The following B3GALT1 variants were observed in gnomAD, a reference collection of about 807,000 sequenced individuals.
B3GALT1 encodes the protein beta-1,3-galactosyltransferase 1, also known as UDP-Gal:betaGlcNAc beta 1,3-galactosyltransferase, polypeptide 1.
Under a neutral mutation model 23.2 loss-of-function variants are expected in B3GALT1, and 10 were observed. The ratio of observed to expected loss-of-function variants is 0.43; its 90% CI spans 0.27 to 0.73. B3GALT1 has a LOEUF of 0.73. Ranked by LOEUF, B3GALT1 falls within the 30% of genes least tolerant of loss-of-function variation. B3GALT1 has a pLI of 0.21. For missense variants in B3GALT1, 299 were observed against 405.4 expected, an observed-to-expected ratio of 0.74 and a Z score of 2.25; for synonymous variants, 156 against 141.5, an observed-to-expected ratio of 1.10 and a Z score of -0.73.
At chr2:167,507,839 C>G (rs1311696169) in intron 2 of B3GALT1, among the ~76,000 whole-genome samples, 4 of 152,180 alleles carry the variant, frequency 2.6e-5, no homozygotes, top group African/African-American at 7.2e-5. Flanking sequence ...ATGACAAAAC[C>G]TTGTACTTAG....
chr2:167,608,356 T>A (rs1002035968), intron 2 of B3GALT1, among the ~76,000 whole-genome samples: 1 of 152,184 alleles, frequency 6.6e-6, no homozygotes, highest in Non-Finnish European at 1.5e-5. Context: ...GTATTTGGCG[T>A]ATAGCATAAC....
intron 1 of B3GALT1, among the ~76,000 whole-genome samples, chr2:167,480,138 A>C (rs1472020287): frequency 6.6e-6 from 1 of 152,192 alleles, no homozygotes; most frequent in African/African-American, 2.4e-5. Flanking sequence ...ACCCCTGGCT[A>C]CATGACTCTT....
intron 3 of B3GALT1, among the ~76,000 whole-genome samples, chr2:167,650,145 A>T (rs1189993324): frequency 6.6e-6 from 1 of 151,552 alleles, no homozygotes. Flanking sequence ...ATTTTTTCAA[A>T]TACTTTCTCT....
At chr2:167,337,595 C>A (rs79534269) in intron 1 of B3GALT1, among the ~76,000 whole-genome samples, 2,488 of 151,650 alleles carry the variant, frequency 0.016, 56 homozygotes, top group East Asian at 0.082. Flanking sequence ...AAAAAAAAAA[C>A]ACACAACAAA....
chr2:167,440,227 C>A (rs1193272420), intron 1 of B3GALT1, among the ~76,000 whole-genome samples: 1 of 151,284 alleles, frequency 6.6e-6, no homozygotes, highest in Non-Finnish European at 1.5e-5. Flanking sequence ...CCTGTAGTCC[C>A]AGCTACTCAG....
At chr2:167,400,574 G>C (rs1160321070) in intron 1 of B3GALT1, among the ~76,000 whole-genome samples, 4 of 151,998 alleles carry the variant, frequency 2.6e-5, no homozygotes, top group Non-Finnish European at 5.9e-5. Context: ...ACCATGCCTA[G>C]ACCCTGAAGA....
chr2:167,386,934 C>A (rs138587384), intron 1 of B3GALT1, among the ~76,000 whole-genome samples: 1 of 152,188 alleles, frequency 6.6e-6, no homozygotes, highest in Non-Finnish European at 1.5e-5. Flanking sequence ...CTGTCTCTCA[C>A]CTCCTCTGCC....
At chr2:167,867,217 C>T (rs139748300) in intron 4 of B3GALT1, among the ~76,000 whole-genome samples, 7,063 of 152,222 alleles carry the variant, frequency 0.046, 232 homozygotes, top group Non-Finnish European at 0.067. Flanking sequence ...TGAGCCACCG[C>T]GCCCGGCCGA....
At chr2:167,619,921 G>A (rs562013484) in intron 2 of B3GALT1, among the ~76,000 whole-genome samples, 195 of 152,224 alleles carry the variant, frequency 1.3e-3, no homozygotes, top group African/African-American at 4.5e-3. Flanking sequence ...TTGCAGTTTA[G>A]TAAGAATGAT....
At chr2:167,630,172 G>A (rs977657299) in intron 2 of B3GALT1, among the ~76,000 whole-genome samples, 2 of 151,724 alleles carry the variant, frequency 1.3e-5, no homozygotes, top group African/African-American at 4.8e-5. Flanking sequence ...AATGAGATTA[G>A]ATACACAAAA....
intron 2 of B3GALT1, among the ~76,000 whole-genome samples, chr2:167,495,807 T>C (rs1699775714): frequency 6.6e-6 from 1 of 152,146 alleles, no homozygotes; most frequent in South Asian, 2.1e-4. Flanking sequence ...AATCCATAAA[T>C]CAATGTTTCG....
chr2:167,483,018 G>A (rs1248697284), intron 1 of B3GALT1, among the ~76,000 whole-genome samples: 1 of 152,138 alleles, frequency 6.6e-6, no homozygotes, highest in African/African-American at 2.4e-5. Context: ...CAGTGGCCAG[G>A]CGGGGTGGCT....
chr2:167,675,496 A>G (rs930287833), intron 3 of B3GALT1, among the ~76,000 whole-genome samples: 1 of 152,216 alleles, frequency 6.6e-6, no homozygotes, highest in African/African-American at 2.4e-5. Flanking sequence ...ATAATCAGAC[A>G]CTTGCATCGT....
chr2:167,798,878 C>G (rs1040925701), intron 3 of B3GALT1, among the ~76,000 whole-genome samples: 1 of 152,172 alleles, frequency 6.6e-6, no homozygotes, highest in African/African-American at 2.4e-5. Context: ...AAATTACAGT[C>G]AGATTGTCTA....
chr2:167,490,850 G>A (rs1045948196), intron 2 of B3GALT1, among the ~76,000 whole-genome samples: 1 of 152,156 alleles, frequency 6.6e-6, no homozygotes, highest in Non-Finnish European at 1.5e-5. Context: ...TCAAGACATT[G>A]GGTTCTAGAT....
At chr2:167,470,580 T>C (rs990829935) in intron 1 of B3GALT1, among the ~76,000 whole-genome samples, 1 of 152,144 alleles carries the variant, frequency 6.6e-6, no homozygotes, top group African/African-American at 2.4e-5. Context: ...CTAGATTATA[T>C]TTAGAAACAG....
chr2:167,300,763 A>G (rs1164423851), intron 1 of B3GALT1, among the ~76,000 whole-genome samples: 1 of 152,222 alleles, frequency 6.6e-6, no homozygotes, highest in African/African-American at 2.4e-5. Flanking sequence ...AAAATATCAG[A>G]TGAAGGGAGG....
At chr2:167,441,864 T>A (rs1698898636) in intron 1 of B3GALT1, among the ~76,000 whole-genome samples, 2 of 151,614 alleles carry the variant, frequency 1.3e-5, no homozygotes, top group African/African-American at 2.4e-5. Context: ...CCCATGTTTT[T>A]TTTTTTTTAA....
intron 4 of B3GALT1, among the ~76,000 whole-genome samples, chr2:167,864,381 C>T (rs1388944966): frequency 6.6e-6 from 1 of 152,072 alleles, no homozygotes; most frequent in Non-Finnish European, 1.5e-5. Flanking sequence ...ACAGTGAGAC[C>T]TTGTCTCTAC....
Sources: gnomAD v4.1 joint callset for allele counts (sites outside exome capture counted in the v4.1 genomes callset) on GRCh38, gnomAD v4.1.1 for gene constraint, MANE v1.5 for transcripts, NCBI Gene and HGNC (gene_info 2026-07-23, HGNC 2026-07-21) for gene names.